LRP1B: variants seen among roughly 807,000 people sequenced by gnomAD.
The protein encoded by LRP1B is low-density lipoprotein receptor-related protein 1B.
Under a neutral mutation model 556.6 loss-of-function variants are expected in LRP1B, and 217 were observed. The ratio of observed to expected loss-of-function variants is 0.39; its 90% CI spans 0.35 to 0.44. The LOEUF (loss-of-function observed/expected upper bound fraction) is 0.44. Ranked by LOEUF, LRP1B falls within the 20% of genes least tolerant of loss-of-function variation. The pLI is 1.00. For missense variants in LRP1B, 5,053 were observed against 5,620.8 expected, an observed-to-expected ratio of 0.90 and a Z score of 3.23; for synonymous variants, 2,047 against 1,865.8, an observed-to-expected ratio of 1.10 and a Z score of -2.50.
rs1698960355 is a variant in LRP1B at position 141,049,031 on chromosome 2, G to A, written c.1744C>T (p.Arg582Trp). The A allele has an allele frequency of 1.2e-6, 2 of 1,613,318 alleles. No homozygotes were observed. Among genetic ancestry groups the A allele is most frequent in the Non-Finnish European group, 1.7e-6 (2 of 1,179,616 alleles). Residue 582 changes from arginine (R) to tryptophan (W), a missense_variant, in exon 11 of 91, where the codon CGG (arginine) becomes TGG (tryptophan). Transcript: ENST00000389484. ...FADTTSFLIGRQKIDGTERET... is the reference protein window; with the variant it reads ...FADTTSFLIGWQKIDGTERET... ...CTCTCTGTGCCATCTATCTTCTGCCGGCCAATTAGGAAACTGGTGGTGTCA... is the reference window on the plus strand; with the variant it reads ...CTCTCTGTGCCATCTATCTTCTGCCAGCCAATTAGGAAACTGGTGGTGTCA...
At chr2:141,335,267 A>G (rs904774240) in intron 3 of LRP1B, among the ~76,000 whole-genome samples, 9 of 152,240 alleles carry the variant, frequency 5.9e-5, no homozygotes, top group African/African-American at 2.2e-4. Flanking sequence ...TGGAAGCCAG[A>G]AGATGGAACA....
intron 3 of LRP1B, among the ~76,000 whole-genome samples, chr2:141,471,645 T>C (rs1470632974): frequency 1.3e-5 from 2 of 152,194 alleles, no homozygotes; most frequent in Admixed American, 6.5e-5. Flanking sequence ...CTCGTCTTAT[T>C]CTTCCTCTTT....
chr2:141,164,950 GT>G (rs1233988932), intron 7 of LRP1B, among the ~76,000 whole-genome samples: 1 of 151,886 alleles, frequency 6.6e-6, no homozygotes, highest in Non-Finnish European at 1.5e-5. Context: ...TAATGGCCAG[GT>G]TTTTAATCAT....
intron 1 of LRP1B, among the ~76,000 whole-genome samples, chr2:141,818,932 T>A (rs1343953250): frequency 6.6e-6 from 1 of 151,808 alleles, no homozygotes; most frequent in Non-Finnish European, 1.5e-5. Flanking sequence ...TCTAATGGCA[T>A]TTTAGATCCT....
intron 21 of LRP1B, among the ~76,000 whole-genome samples, chr2:140,916,862 TAAAC>T (rs1248868691): frequency 1.3e-5 from 2 of 152,200 alleles, no homozygotes; most frequent in African/African-American, 2.4e-5. Context: ...TTTCACCACT[TAAAC>T]AATATTACAT....
chr2:141,650,334 G>C (rs1689739129), intron 2 of LRP1B, among the ~76,000 whole-genome samples: 1 of 152,154 alleles, frequency 6.6e-6, no homozygotes, highest in Non-Finnish European at 1.5e-5. Flanking sequence ...TTTTTCTAGA[G>C]AGTTAGAGTG....
intron 2 of LRP1B, among the ~76,000 whole-genome samples, chr2:141,766,432 A>C (rs185032972): frequency 6.6e-6 from 1 of 152,212 alleles, no homozygotes; most frequent in East Asian, 1.9e-4. Flanking sequence ...ATCTTATTAC[A>C]GCTAATGTCC....
At chr2:140,328,922 G>A (rs1317495718) in intron 79 of LRP1B, among the ~76,000 whole-genome samples, 2 of 152,088 alleles carry the variant, frequency 1.3e-5, no homozygotes, top group Admixed American at 6.6e-5. Context: ...GAGACATTAT[G>A]TTGGCCAACA....
chr2:141,854,184 A>G (rs1697961535), intron 1 of LRP1B, among the ~76,000 whole-genome samples: 2 of 152,042 alleles, frequency 1.3e-5, no homozygotes, highest in African/African-American at 4.8e-5. Context: ...CATTTATAAT[A>G]TAAACATGGA....
intron 75 of LRP1B, among the ~76,000 whole-genome samples, chr2:140,353,561 G>A (rs932301801): frequency 6.6e-6 from 1 of 152,018 alleles, no homozygotes; most frequent in Non-Finnish European, 1.5e-5. Context: ...ATCCCGTAAT[G>A]CCCTTGCCCA....
chr2:140,971,613 C>T (rs1019635815), intron 18 of LRP1B, among the ~76,000 whole-genome samples: 14 of 152,108 alleles, frequency 9.2e-5, no homozygotes, highest in Non-Finnish European at 1.5e-4. Context: ...GGGCAGATCA[C>T]GACAAGGTCA....
intron 6 of LRP1B, among the ~76,000 whole-genome samples, chr2:141,199,167 T>TA (rs1272672477): frequency 6.6e-6 from 1 of 152,164 alleles, no homozygotes; most frequent in African/African-American, 2.4e-5. Context: ...CTTAAACTGA[T>TA]AGACTCTTAA....
rs537297951 is a variant in LRP1B at position 140,977,682 on chromosome 2, C to T, written c.2887+4478G>A. Among the ~76,000 whole-genome samples the T allele has an allele frequency of 4.7e-4, 71 of 152,162 alleles. 1 individual carries two copies. The highest frequency in any genetic ancestry group is 1.3e-3 in the African/African-American group (55 of 41,528). On this transcript the variant is annotated intron_variant, in intron 18 of 90. Transcript: ENST00000389484. ...TAATAGAAATATAAATTCTTGGGCC[C>T]CACCTGAGACTGACTGGATCAGAGA...
chr2:141,319,305 TTG>T (rs1279798213), intron 3 of LRP1B, among the ~76,000 whole-genome samples: 2 of 118,392 alleles, frequency 1.7e-5, no homozygotes, highest in African/African-American at 7.5e-5. Context: ...CAGTGTTTTT[TTG>T]TTGTTTTTTT....
At chr2:140,748,109 ATATATATATATATATATATATATAT>A (rs1688382141) in intron 35 of LRP1B, among the ~76,000 whole-genome samples, 2 of 126,472 alleles carry the variant, frequency 1.6e-5, no homozygotes, top group Non-Finnish European at 3.2e-5. Flanking sequence ...ATATATATAT[ATATATATATATATATATATATATAT>A]ATAATTCATA....
rs70994453 is a variant in LRP1B at position 141,818,531 on chromosome 2, C to CTTTTTTTTTT, written c.83-8140_83-8131dup. ...TTCCCTAAATATAACATTTCTGTAT[C>CTTTTTTTTTT]TTTTTTTTTTTTTTTTTTTTTTTGA... On this transcript the variant is annotated intron_variant, in intron 1 of 90. Transcript: ENST00000389484. Among the ~76,000 whole-genome samples the CTTTTTTTTTT allele has an allele frequency of 6.7e-4, 55 of 82,076 alleles. 1 individual carries two copies. The highest frequency in any genetic ancestry group is 8.6e-4 in the Non-Finnish European group (40 of 46,680). 53.8% of individuals were successfully genotyped at this position (82,076 alleles called of 152,430 possible). A position where few individuals can be genotyped will look rare whatever the true frequency, so the allele number is the denominator to read the frequency against.
chr2:141,575,126 G>A (rs575658489), intron 2 of LRP1B, among the ~76,000 whole-genome samples: 42 of 152,152 alleles, frequency 2.8e-4, no homozygotes, highest in African/African-American at 1.0e-3. Context: ...ATTTTATATG[G>A]AATCAAAGAA....
chr2:140,300,239 C>G (rs1026199288), intron 83 of LRP1B, among the ~76,000 whole-genome samples: 1 of 152,096 alleles, frequency 6.6e-6, no homozygotes, highest in Admixed American at 6.6e-5. Context: ...AAGTAGAAAT[C>G]TTCATATTCA....
At chr2:142,129,560 TG>T (rs1707772146) in intron 1 of LRP1B, among the ~76,000 whole-genome samples, 1 of 151,380 alleles carries the variant, frequency 6.6e-6, no homozygotes, top group African/African-American at 2.4e-5. Context: ...TGCTTGGCAT[TG>T]GGATCTGGGT....
Sources: allele counts gnomAD v4.1 joint callset (sites outside exome capture counted in the v4.1 genomes callset), GRCh38; gene constraint gnomAD v4.1.1; transcripts MANE v1.5; gene names NCBI Gene and HGNC (gene_info 2026-07-23, HGNC 2026-07-21).